PSMD14: variants seen among roughly 807,000 people sequenced by gnomAD.
PSMD14 encodes ubiquitin C-terminal hydrolase PSMD14.
A neutral mutation model predicts 41.2 loss-of-function variants in PSMD14; 7 were observed. The ratio of observed to expected loss-of-function variants is 0.17; its 90% confidence interval spans 0.10 to 0.32. PSMD14 has a LOEUF of 0.32. PSMD14 is among the 10% of genes least tolerant of loss of function. The pLI is 1.00. For missense variants in PSMD14, 139 were observed against 375.6 expected (o/e 0.37, Z 5.21); for synonymous variants, 114 against 122.3 (o/e 0.93, Z 0.45).
chr2:161,346,427 C>T lies in PSMD14; in HGVS notation c.49-21051C>T, dbSNP rs76825570. Among the ~76,000 whole-genome samples, 3 of 151,670 alleles carry T rather than the reference C, an allele frequency of 2.0e-5. No homozygotes were observed. The East Asian group carries it at 5.8e-4, about 29-fold the overall frequency. ...AACTTTTTGACAGTTTTAAAAACTT[C>T]TAAATGTCTTTGCTAATTTTAACAT... is the stretch of plus-strand genomic sequence containing the variant. On this transcript the variant is annotated intron_variant, in intron 3 of 11. Transcript: ENST00000409682.
At chr2:161,402,217 T>C (rs533587317) in intron 10 of PSMD14, among the ~76,000 whole-genome samples, 1 of 152,328 alleles carries the variant, frequency 6.6e-6, no homozygotes, top group East Asian at 1.9e-4. Flanking sequence ...TTCCATTCTG[T>C]AGAATGATCT....
At chr2:161,370,578 A>G (rs930568179) in intron 6 of PSMD14, among the ~76,000 whole-genome samples, 1 of 152,176 alleles carries the variant, frequency 6.6e-6, no homozygotes. Flanking sequence ...GAGAAAGTAT[A>G]ATCCAAATAT....
At chr2:161,351,719 C>A (rs1559044816) in intron 3 of PSMD14, among the ~76,000 whole-genome samples, 1 of 152,172 alleles carries the variant, frequency 6.6e-6, no homozygotes, top group Non-Finnish European at 1.5e-5. Context: ...TACTGTATGT[C>A]TACATGGGTC....
At chr2:161,343,550 G>C (rs536975357) in intron 3 of PSMD14, among the ~76,000 whole-genome samples, 2 of 152,112 alleles carry the variant, frequency 1.3e-5, no homozygotes, top group Non-Finnish European at 2.9e-5. Context: ...TTTGAGGATC[G>C]GGTACAGTGG....
At chr2:161,377,532 A>T (rs1683519512) in intron 7 of PSMD14, among the ~76,000 whole-genome samples, 1 of 151,938 alleles carries the variant, frequency 6.6e-6, no homozygotes. Context: ...TTTAGCTGAT[A>T]TAAGAAATTG....
chr2:161,388,306 C>G (rs1683659350), intron 8 of PSMD14, among the ~76,000 whole-genome samples: 1 of 151,982 alleles, frequency 6.6e-6, no homozygotes, highest in Non-Finnish European at 1.5e-5. Context: ...AACAATTGCA[C>G]TAGAAAGGAG....
At chr2:161,400,477 CAT>C (rs1164481582) in intron 10 of PSMD14, among the ~76,000 whole-genome samples, 1 of 152,140 alleles carries the variant, frequency 6.6e-6, no homozygotes, top group Non-Finnish European at 1.5e-5. Flanking sequence ...GGATTTTTCT[CAT>C]AAATATATTA....
intron 3 of PSMD14, among the ~76,000 whole-genome samples, chr2:161,348,931 G>A (rs997012803): frequency 1.3e-5 from 2 of 148,242 alleles, no homozygotes; most frequent in East Asian, 1.9e-4. Flanking sequence ...AAAAACATTT[G>A]TTCCTACTCC....
rs1299137712 is a variant in PSMD14 at position 161,392,918 on chromosome 2, T to G, written c.645+1740T>G. On this transcript the variant is annotated intron_variant, in intron 9 of 11. Transcript: ENST00000409682. ...ATCTATTTGGAAATGTCTAGCTAAT[T>G]ACATCAATTTTTCTTTCTTTTTTTT... is the stretch of plus-strand genomic sequence containing the variant. 4.6e-5 allele frequency among the ~76,000 whole-genome samples: 7 copies of G among 152,200 alleles called. No homozygotes were observed. In the East Asian group the frequency reaches 1.3e-3, roughly 29 times the overall value.
chr2:161,394,158 G>A (rs567018387), intron 9 of PSMD14, among the ~76,000 whole-genome samples: 33 of 151,734 alleles, frequency 2.2e-4, no homozygotes, highest in Non-Finnish European at 4.6e-4. Context: ...TTTTAGTAGC[G>A]ACAGGCTTTC....
chr2:161,329,484 C>T lies in PSMD14; in HGVS notation c.48+10611C>T, dbSNP rs189750955. ...GCTGTATTGACAGTATTTATATGCT[C>T]ATGAATATTCTGGTTACCTTTTTTT... is the stretch of plus-strand genomic sequence containing the variant. On this transcript the variant is annotated intron_variant, in intron 3 of 11. Transcript: ENST00000409682. Among the ~76,000 whole-genome samples the T allele has an allele frequency of 4.3e-4, 66 of 152,146 alleles. 1 individual carries two copies. The highest frequency in any genetic ancestry group is 1.3e-3 in the African/African-American group (56 of 41,536).
At chr2:161,362,747 G>A (rs1683307457) in intron 3 of PSMD14, among the ~76,000 whole-genome samples, 1 of 152,126 alleles carries the variant, frequency 6.6e-6, no homozygotes, top group Non-Finnish European at 1.5e-5. Flanking sequence ...CCAGCAGGCT[G>A]TTTGGTTTCT....
intron 3 of PSMD14, among the ~76,000 whole-genome samples, chr2:161,326,262 C>G (rs1329455477): frequency 6.6e-6 from 1 of 152,098 alleles, no homozygotes; most frequent in Non-Finnish European, 1.5e-5. Flanking sequence ...AACTTCTGAC[C>G]TCAATTGATC....
chr2:161,310,901 A>G (rs1689079814), intron 1 of PSMD14, among the ~76,000 whole-genome samples: 1 of 152,206 alleles, frequency 6.6e-6, no homozygotes, highest in Admixed American at 6.5e-5. Flanking sequence ...CTGCCCCGAT[A>G]GATTATAAAT....
In PSMD14 at chr2:161,378,169, T is replaced by G. The variant is rs1223672172; in HGVS notation, c.462+6847T>G. Among the ~76,000 whole-genome samples, 3 of 152,106 alleles carry G rather than the reference T, an allele frequency of 2.0e-5. No individual in the cohort carries two copies. The South Asian group carries it at 6.2e-4, about 32-fold the overall frequency. ...TGAAGTGGTAAATTTTCTTCAGTCATAATTGATCCCTCAGTTGTGATTTTT... is the reference window on the plus strand; with the variant it reads ...TGAAGTGGTAAATTTTCTTCAGTCAGAATTGATCCCTCAGTTGTGATTTTT... On this transcript the variant is annotated intron_variant, in intron 7 of 11. Coordinates refer to ENST00000409682, the MANE Select transcript of PSMD14 (RefSeq NM_005805.6).
rs1391985878 is a variant in PSMD14, at chr2:161,334,648, G to A, written c.48+15775G>A. Among the ~76,000 whole-genome samples the A allele has an allele frequency of 3.3e-5, 5 of 152,378 alleles. No individual in the cohort carries two copies. The East Asian group carries it at 7.7e-4, about 23-fold the overall frequency. Reference sequence around the variant, plus strand: ...TAAGAAAGAGAAAATGGGAACAGATGTGACCATGTTGATGGAAGAATAGAA... The same window carrying A: ...TAAGAAAGAGAAAATGGGAACAGATATGACCATGTTGATGGAAGAATAGAA... On this transcript the variant is annotated intron_variant, in intron 3 of 11. Transcript: ENST00000409682.
intron 7 of PSMD14, chr2:161,384,411 G>A (rs1482895927): frequency 6.6e-6 from 1 of 151,590 alleles, no homozygotes; most frequent in East Asian, 1.9e-4. Context: ...ATTAGATTTG[G>A]TTGGCTTAAC....
At chr2:161,368,624 T>C (rs1574132639) in intron 5 of PSMD14, among the ~76,000 whole-genome samples, 2 of 152,202 alleles carry the variant, frequency 1.3e-5, no homozygotes, top group East Asian at 3.9e-4. Context: ...AAAGCACATA[T>C]ATCCTTCTCA....
At chr2:161,378,728 G>A (rs1683535900) in intron 7 of PSMD14, among the ~76,000 whole-genome samples, 2 of 151,984 alleles carry the variant, frequency 1.3e-5, no homozygotes, top group African/African-American at 4.8e-5. Flanking sequence ...ACAGATCATA[G>A]TGATAACATT....
Sources: gnomAD v4.1 joint callset for allele counts (sites outside exome capture counted in the v4.1 genomes callset) on GRCh38, gnomAD v4.1.1 for gene constraint, MANE v1.5 for transcripts, NCBI Gene and HGNC (gene_info 2026-07-23, HGNC 2026-07-21) for gene names.